RARB: variants seen among roughly 807,000 people sequenced by gnomAD.
The protein encoded by RARB is HBV-activated protein.
A neutral mutation model predicts 51.9 loss-of-function variants in RARB; 17 were observed. The observed-to-expected ratio is 0.33, with a 90% CI of 0.22 to 0.49. The LOEUF is 0.49. Among genes scored for constraint, RARB ranks in the 20% least tolerant of loss-of-function variants. The pLI, the probability that RARB is intolerant of heterozygous loss-of-function variation, is 0.99. For synonymous variants in RARB, 215 were observed against 195.4 expected, an observed-to-expected ratio of 1.10 and a Z score of -0.84; for missense variants, 369 against 550.8, an observed-to-expected ratio of 0.67 and a Z score of 3.30.
Position 24,890,635 on chromosome 3 carries a change from T to C in RARB, c.-380+31883T>C, listed in dbSNP as rs56192045. On this transcript the variant is annotated intron_variant, in intron 2 of 11. Coordinates refer to the RARB transcript ENST00000383772. ...GAAATGACTTTGTCATGTTTTCAATTGACTATAACCTTGACATATGGGTCA... is the reference window on the plus strand; with the variant it reads ...GAAATGACTTTGTCATGTTTTCAATCGACTATAACCTTGACATATGGGTCA... 9.4e-3 allele frequency among the ~76,000 whole-genome samples: 1,429 copies of C among 152,204 alleles called. 23 individuals are homozygous for C. Among genetic ancestry groups the C allele is most frequent in the African/African-American group, 0.029 (1,202 of 41,518 alleles).
At chr3:25,371,199 C>T (rs1310854506) in intron 5 of RARB, among the ~76,000 whole-genome samples, 2 of 152,152 alleles carry the variant, frequency 1.3e-5, no homozygotes, top group Non-Finnish European at 2.9e-5. Flanking sequence ...GTAATTCGCT[C>T]ATGAGAGCTG....
intron 2 of RARB, among the ~76,000 whole-genome samples, chr3:25,055,048 C>A (rs770522354): frequency 2.6e-5 from 4 of 152,104 alleles, no homozygotes; most frequent in Admixed American, 2.0e-4. Flanking sequence ...AATTGTGACA[C>A]CGGTTTCAGA....
At chr3:25,143,838 A>G (rs1334559223) in intron 4 of RARB, among the ~76,000 whole-genome samples, 1 of 152,144 alleles carries the variant, frequency 6.6e-6, no homozygotes, top group Admixed American at 6.5e-5. Flanking sequence ...TGGGCTGTTG[A>G]GAGGATTAAA....
chr3:24,981,496 C>T (rs1005852523), intron 2 of RARB, among the ~76,000 whole-genome samples: 8 of 152,110 alleles, frequency 5.3e-5, no homozygotes, highest in Admixed American at 2.6e-4. Context: ...CCTCAGTGGA[C>T]GCCCCTCCCC....
At chr3:24,996,203 G>T (rs1697033533) in intron 2 of RARB, among the ~76,000 whole-genome samples, 1 of 151,938 alleles carries the variant, frequency 6.6e-6, no homozygotes, top group South Asian at 2.1e-4. Flanking sequence ...TATGTGTCCA[G>T]AAACTTATTT....
Position 25,428,278 on chromosome 3 carries a change from G to C in RARB, c.-454G>C, listed in dbSNP as rs1708055948. The C allele has an allele frequency of 3.2e-6, 4 of 1,234,132 alleles. No homozygotes were observed. The highest frequency in any genetic ancestry group is 3.1e-4 in the Middle Eastern group (1 of 3,240). The allele number at this position is 1,234,132 out of a possible 1,614,324, so 76.4% of individuals were successfully genotyped here. A position where few individuals can be genotyped will look rare whatever the true frequency, so the allele number is the denominator to read the frequency against. ...TTCATTCTGTGTGACAGAAGTAGTA[G>C]GAAGTGAGCTGTTCAGAGGCAGGAG... On this transcript the variant is annotated 5_prime_UTR_variant, in exon 1 of 8. Transcript: ENST00000330688.
chr3:25,210,842 G>C (rs868763168), intron 5 of RARB, among the ~76,000 whole-genome samples: 1 of 151,840 alleles, frequency 6.6e-6, no homozygotes, highest in Non-Finnish European at 1.5e-5. Flanking sequence ...GCCTTTGTCT[G>C]ATTCTTTACA....
chr3:25,093,695 C>G (rs1365376175), intron 3 of RARB, among the ~76,000 whole-genome samples: 1 of 151,970 alleles, frequency 6.6e-6, no homozygotes, highest in Non-Finnish European at 1.5e-5. Flanking sequence ...TTCAAGATGT[C>G]TTTACGGGGT....
intron 3 of RARB, among the ~76,000 whole-genome samples, chr3:25,503,204 G>T (rs1697404945): frequency 6.6e-6 from 1 of 152,174 alleles, no homozygotes; most frequent in African/African-American, 2.4e-5. Context: ...ATTGGCTCAG[G>T]CTCTAAATCC....
At chr3:25,099,846 G>C (rs142249765) in intron 3 of RARB, among the ~76,000 whole-genome samples, 74 of 152,182 alleles carry the variant, frequency 4.9e-4, no homozygotes, top group African/African-American at 1.7e-3. Flanking sequence ...TCCTTCATTT[G>C]TGTGTGCAGT....
At chr3:25,072,957 G>A (rs1389592126) in intron 3 of RARB, among the ~76,000 whole-genome samples, 2 of 152,006 alleles carry the variant, frequency 1.3e-5, no homozygotes, top group Admixed American at 1.3e-4. Context: ...CTCGGACTCC[G>A]AAAGTGCTGG....
intron 2 of RARB, among the ~76,000 whole-genome samples, chr3:25,023,914 CTG>C (rs1697690967): frequency 6.6e-6 from 1 of 152,102 alleles, no homozygotes; most frequent in Non-Finnish European, 1.5e-5. Flanking sequence ...GTGAGTGTGA[CTG>C]TGTGTGTATG....
At chr3:25,388,941 T>C (rs1706870727) in intron 5 of RARB, among the ~76,000 whole-genome samples, 1 of 152,096 alleles carries the variant, frequency 6.6e-6, no homozygotes, top group African/African-American at 2.4e-5. Flanking sequence ...TGGTAGAAAA[T>C]GCCACTGATC....
chr3:25,230,975 AACTAATAC>A (rs1300735863), intron 5 of RARB, among the ~76,000 whole-genome samples: 1 of 152,194 alleles, frequency 6.6e-6, no homozygotes, highest in Admixed American at 6.5e-5. Flanking sequence ...AGCACCAGAT[AACTAATAC>A]ACTGAACAAA....
At chr3:25,140,275 A>G (rs980441116) in intron 4 of RARB, among the ~76,000 whole-genome samples, 4 of 152,218 alleles carry the variant, frequency 2.6e-5, no homozygotes, top group East Asian at 1.9e-4. Context: ...AAATAATTCA[A>G]CATTCCAGAT....
chr3:25,334,149 A>C (rs1006081162), intron 5 of RARB, among the ~76,000 whole-genome samples: 1 of 152,196 alleles, frequency 6.6e-6, no homozygotes, highest in Non-Finnish European at 1.5e-5. Flanking sequence ...AACTAGAAAT[A>C]CCATTTGACC....
In RARB at chr3:25,510,625, C is replaced by CA. The variant is rs200684569; in HGVS notation, c.448+9312dup. Among the ~76,000 whole-genome samples the CA allele has an allele frequency of 5.2e-3, 782 of 149,276 alleles. 10 individuals carry two copies. The highest frequency in any genetic ancestry group is 0.017 in the African/African-American group (675 of 40,660). On this transcript the variant is annotated intron_variant, in intron 3 of 7. Transcript: ENST00000330688. Reference sequence around the variant, plus strand: ...TGGGCAACACAGCAAGACCCTGTCTCAAAAAAAAAATCTATAATTATGTGG... The same window carrying CA: ...TGGGCAACACAGCAAGACCCTGTCTCAAAAAAAAAAATCTATAATTATGTGG...
chr3:25,376,597 C>A (rs1706467650), intron 5 of RARB, among the ~76,000 whole-genome samples: 2 of 152,198 alleles, frequency 1.3e-5, no homozygotes, highest in Non-Finnish European at 2.9e-5. Flanking sequence ...AGTGCACCTA[C>A]CTACACAACT....
At chr3:25,565,320 T>A (rs1485652432) in intron 3 of RARB, among the ~76,000 whole-genome samples, 2 of 152,168 alleles carry the variant, frequency 1.3e-5, no homozygotes, top group African/African-American at 4.8e-5. Context: ...GTTGTAAGGA[T>A]TGAATGGCCT....
Sources: gnomAD v4.1 joint callset for allele counts (sites outside exome capture counted in the v4.1 genomes callset) on GRCh38, gnomAD v4.1.1 for gene constraint, MANE v1.5 for transcripts, NCBI Gene and HGNC (gene_info 2026-07-23, HGNC 2026-07-21) for gene names.